ICE1: variants seen among roughly 807,000 people sequenced by gnomAD.
ICE1 encodes the protein little elongation complex subunit 1.
A neutral mutation model predicts 192.7 loss-of-function variants in ICE1; 64 were observed. The observed-to-expected ratio is 0.33, with a 90% CI of 0.27 to 0.41. The LOEUF (loss-of-function observed/expected upper bound fraction) is 0.41, where lower values mean the gene tolerates loss of function less well. Among genes scored for constraint, ICE1 ranks in the 10% least tolerant of loss-of-function variants. The probability of loss-of-function intolerance (pLI) is 1.00; values close to 1 mark genes in which losing one functional copy is unlikely to be tolerated. For missense variants in ICE1, 2,708 were observed against 2,696.0 expected (o/e 1.00, Z -0.10); for synonymous variants, 1,010 against 984.5 (o/e 1.03, Z -0.49).
rs112359966 is a variant in ICE1, at chr5:5,463,026, C to A, written c.3692C>A (p.Thr1231Asn). 20 of 1,613,750 alleles carry A rather than the reference C, an allele frequency of 1.2e-5. No individual in the cohort carries two copies. The highest frequency in any genetic ancestry group is 1.1e-4 in the African/African-American group (8 of 74,988). Residue 1231 changes from threonine (T) to asparagine (N), a missense_variant, in exon 13 of 19, where the codon ACC (threonine) becomes AAC (asparagine). Transcript: ENST00000296564. ...KQPCEEETLG[T>N]CEEWIESEED... ...CCCTGTGAGGAAGAAACACTTGGAA[C>A]CTGTGAAGAGTGGATTGAATCAGAG...
intron 1 of ICE1, among the ~76,000 whole-genome samples, chr5:5,427,832 T>A (rs917111095): frequency 7.2e-5 from 11 of 152,198 alleles, no homozygotes; most frequent in African/African-American, 2.7e-4. Context: ...CTCATTCTTG[T>A]TGAGGTTACA....
At chr5:5,465,987 A>G (rs939741463) in intron 13 of ICE1, among the ~76,000 whole-genome samples, 8 of 152,360 alleles carry the variant, frequency 5.3e-5, no homozygotes, top group African/African-American at 1.9e-4. Context: ...TGTATTTCAT[A>G]TACTCACACA....
intron 15 of ICE1, 55 bp from the exon 16 acceptor site, chr5:5,473,503 A>G (rs1195170745): frequency 7.0e-7 from 1 of 1,436,406 alleles, no homozygotes; most frequent in Non-Finnish European, 9.5e-7. Context: ...TAACTAAGGT[A>G]AGATGCATTC....
chr5:5,462,418 T>C lies in ICE1; in HGVS notation c.3084T>C (p.Gly1028=), dbSNP rs1429021014. ...ETSCGDTGRS[G]GEALAVANDS... ...GCTGTGGAGACACAGGGAGATCTGG[T>C]GGTGAGGCCCTGGCTGTTGCAAATG... Residue 1028 remains glycine, a synonymous_variant, in exon 13 of 19, where the codon GGT becomes GGC. Transcript: ENST00000296564. 1 of 1,613,900 alleles carries C rather than the reference T, an allele frequency of 6.2e-7. No homozygotes were observed. The highest frequency in any genetic ancestry group is 1.3e-5 in the African/African-American group (1 of 74,934).
chr5:5,475,802 A>G (rs1350864113), intron 16 of ICE1, among the ~76,000 whole-genome samples, 171 bp from the exon 17 acceptor site: 3 of 152,354 alleles, frequency 2.0e-5, no homozygotes, highest in East Asian at 3.9e-4. Flanking sequence ...CATGGGCACA[A>G]CTATGCTGTT....
At chr5:5,446,771 C>T (rs1738238740) in intron 7 of ICE1, among the ~76,000 whole-genome samples, 1 of 152,046 alleles carries the variant, frequency 6.6e-6, no homozygotes, top group South Asian at 2.1e-4. Context: ...TTAGAGGAGT[C>T]AGGAGAGGAT....
In ICE1 at chr5:5,422,953, C is replaced by T. The variant is rs1737354004; in HGVS notation, c.38C>T (p.Thr13Met). ...GAGACCCATTCGGCGGCGCCCGGGA[C>T]GGCGGCGGACCTGTCGCGATGTCAG... is the stretch of plus-strand genomic sequence containing the variant. ...PGETHSAAPG[T>M]AADLSRCQGC... Residue 13 changes from threonine to methionine, a missense_variant, in exon 1 of 19, where the codon ACG becomes ATG. Coordinates refer to ENST00000296564, the MANE Select transcript of ICE1 (RefSeq NM_015325.3). The T allele has an allele frequency of 6.9e-7, 1 of 1,450,068 alleles. No homozygotes were observed. Among genetic ancestry groups the T allele is most frequent in the South Asian group, 1.3e-5 (1 of 74,742 alleles). The allele number at this position is 1,450,068 out of a possible 1,614,324, so 89.8% of individuals were successfully genotyped here. A position where few individuals can be genotyped will look rare whatever the true frequency, so the allele number is the denominator to read the frequency against.
chr5:5,462,406 A>G lies in ICE1; in HGVS notation c.3072A>G (p.Thr1024=). 6.2e-7 allele frequency: 1 copy of G among 1,614,056 alleles called. No individual in the cohort carries two copies. ...FSVEETSCGD[T]GRSGGEALAV... is the part of the protein sequence containing the mutation. ...TTGAAGAAACCAGCTGTGGAGACACAGGGAGATCTGGTGGTGAGGCCCTGG... is the reference window on the plus strand; with the variant it reads ...TTGAAGAAACCAGCTGTGGAGACACGGGGAGATCTGGTGGTGAGGCCCTGG... Residue 1024 remains threonine (T), a synonymous_variant, in exon 13 of 19, where the codon ACA becomes ACG. Transcript: ENST00000296564.
chr5:5,484,291 A>C (rs1043089557), intron 17 of ICE1, among the ~76,000 whole-genome samples: 1 of 152,208 alleles, frequency 6.6e-6, no homozygotes, highest in Non-Finnish European at 1.5e-5. Flanking sequence ...AATTTCATTA[A>C]GTGCTTTTAA....
rs768013453 is a variant in ICE1 at position 5,462,837 on chromosome 5, A to G, written c.3503A>G (p.Asp1168Gly). The G allele has an allele frequency of 4.3e-6, 7 of 1,610,042 alleles. No homozygotes were observed. Among genetic ancestry groups the G allele is most frequent in the Non-Finnish European group, 8.5e-7 (1 of 1,177,950 alleles). The change falls in exon 13 of 19, where the codon GAT becomes GGT. Residue 1168 changes from aspartate to glycine, a missense_variant. Coordinates refer to ENST00000296564, the MANE Select transcript of ICE1 (RefSeq NM_015325.3). ...AACATAAGTACTTTTTCTGAGCTGG[A>G]TAGACTTTCCACATCAGAGGTTGTG... Reference protein sequence around the residue: ...DFNISTFSELDRLSTSEVVMF... With the variant: ...DFNISTFSELGRLSTSEVVMF...
chr5:5,438,141 A>G (rs1230019640), intron 3 of ICE1, among the ~76,000 whole-genome samples: 1 of 152,242 alleles, frequency 6.6e-6, no homozygotes, highest in Non-Finnish European at 1.5e-5. Flanking sequence ...CATCCTTCAC[A>G]TGGTGGCAGG....
At chr5:5,476,591 A>T (rs1373011786) in intron 17 of ICE1, among the ~76,000 whole-genome samples, 1 of 152,100 alleles carries the variant, frequency 6.6e-6, no homozygotes, top group East Asian at 1.9e-4. Context: ...GGGGGAACAG[A>T]TACATCACAT....
At position 5,489,245 on chromosome 5, in the gene ICE1, G is replaced by A. The variant is rs373516910; in HGVS notation, c.6716G>A (p.Arg2239Gln). The A allele has an allele frequency of 8.6e-5, 138 of 1,613,804 alleles. No individual in the cohort carries two copies. The highest frequency in any genetic ancestry group is 1.1e-4 in the Non-Finnish European group (125 of 1,179,876). The change falls in exon 19 of 19, where the codon CGG becomes CAG. Residue 2239 changes from arginine (R) to glutamine (Q), a missense_variant. Transcript: ENST00000296564. ...AEISKILEAW[R>Q]REASKSVPSA... ...ATTTCCAAGATCCTGGAAGCTTGGC[G>A]GAGAGAGGCCTCCAAAAGCGTTCCG...
chr5:5,461,235 C>T lies in ICE1; in HGVS notation c.1901C>T (p.Ser634Phe). The T allele has an allele frequency of 6.2e-7, 1 of 1,614,014 alleles. No individual in the cohort carries two copies. The highest frequency in any genetic ancestry group is 8.5e-7 in the Non-Finnish European group (1 of 1,179,892). The change falls in exon 13 of 19, where the codon TCT (serine) becomes TTT (phenylalanine). Residue 634 changes from serine (S) to phenylalanine (F), a missense_variant. By Grantham distance (155) the Ser-to-Phe change is radical (BLOSUM62 -2). Around this residue, in one of 2 missense-constraint regions of ICE1, gnomAD observed 2,366 missense variants for 2,276.6 expected, o/e 1.04. Coordinates refer to ENST00000296564, the MANE Select transcript of ICE1 (RefSeq NM_015325.3). ...ATTGAAACCAGTTTTTCTTCCTCTT[C>T]TACCTTGGTAGCATTGTCTGTTGGC... ...LDIETSFSSS[S>F]TLVALSVGSN...
chr5:5,454,727 C>T, intron 11 of ICE1, 89 bp downstream of exon 11: 1 of 817,928 alleles, frequency 1.2e-6, no homozygotes, highest in East Asian at 2.6e-5. Flanking sequence ...TTAATAGCTC[C>T]TGATTCTAAC....
intron 3 of ICE1, 142 bp downstream of exon 3, chr5:5,437,256 C>T: frequency 3.3e-6 from 2 of 608,102 alleles, no homozygotes; most frequent in Non-Finnish European, 5.9e-6. Context: ...CTCACAAGCA[C>T]AGTAAACAGA....
At position 5,461,348 on chromosome 5, in the gene ICE1, G is replaced by C. The variant is rs1242213265; in HGVS notation, c.2014G>C (p.Glu672Gln). The change falls in exon 13 of 19, where the codon GAA (glutamate) becomes CAA (glutamine). Residue 672 changes from glutamate to glutamine, a missense_variant. By Grantham distance (29) the Glu-to-Gln change is conservative (BLOSUM62 2). Around this residue, in one of 2 missense-constraint regions of ICE1, gnomAD observed 2,366 missense variants for 2,276.6 expected, o/e 1.04. Transcript: ENST00000296564. ...ATTCTCTACTGAACCGCATCATTCA[G>C]AACATAAATTGCAAACTAAAACTTT... Reference protein sequence around the residue: ...KVFSTEPHHSEHKLQTKTLNT... With the variant: ...KVFSTEPHHSQHKLQTKTLNT... The C allele has an allele frequency of 5.0e-6, 8 of 1,613,744 alleles. No homozygotes were observed. The African/African-American group carries it at 9.3e-5, about 19-fold the overall frequency.
At chr5:5,444,586 C>A (rs1448228973) in intron 7 of ICE1, among the ~76,000 whole-genome samples, 2 of 152,226 alleles carry the variant, frequency 1.3e-5, no homozygotes, top group East Asian at 3.9e-4. Flanking sequence ...CATACTTTTG[C>A]TATAAAAAGC....
At chr5:5,470,793 T>A (rs1055832100) in intron 15 of ICE1, among the ~76,000 whole-genome samples, 1 of 152,206 alleles carries the variant, frequency 6.6e-6, no homozygotes, top group African/African-American at 2.4e-5. Context: ...TTACATTTAC[T>A]TTGAAATTGA....
Sources: allele counts gnomAD v4.1 joint callset (sites outside exome capture counted in the v4.1 genomes callset), GRCh38; gene constraint gnomAD v4.1.1; regional missense constraint gnomAD v4.1.1; transcripts MANE v1.5; gene names NCBI Gene and HGNC (gene_info 2026-07-23, HGNC 2026-07-21).